Variants in GMIP observed in about 807,000 individuals in gnomAD.
GMIP encodes the protein GEM interacting protein.
Under a neutral mutation model 105.3 loss-of-function variants are expected in GMIP, and 54 were observed. The ratio of observed to expected loss-of-function variants is 0.51; its 90% CI spans 0.41 to 0.64. The LOEUF (loss-of-function observed/expected upper bound fraction) is 0.64, where lower values mean the gene tolerates loss of function less well. Ranked by LOEUF, GMIP falls within the 30% of genes least tolerant of loss-of-function variation. The probability of loss-of-function intolerance (pLI) is 0.00; values close to 1 mark genes in which losing one functional copy is unlikely to be tolerated. For synonymous variants in GMIP, 541 were observed against 560.8 expected (o/e 0.96, Z 0.50); for missense variants, 1,110 against 1,319.4 (o/e 0.84, Z 2.46).
rs2061848308 is a variant in GMIP, at chr19:19,635,810, G to A, written c.1328-89C>T. The A allele has an allele frequency of 3.8e-6, 4 of 1,063,204 alleles. No homozygotes were observed. The highest frequency in any genetic ancestry group is 1.5e-5 in the African/African-American group (1 of 64,556). 65.9% of individuals were successfully genotyped at this position (1,063,204 alleles called of 1,614,324 possible). A position where few individuals can be genotyped will look rare whatever the true frequency, so the allele number is the denominator to read the frequency against. On this transcript the variant is annotated intron_variant, in intron 13 of 20. Coordinates refer to ENST00000203556, the MANE Select transcript of GMIP (RefSeq NM_016573.4). The surrounding 1 kb of genome is among the most constrained non-coding windows in gnomAD (Gnocchi z 4.7). Reference sequence around the variant, plus strand: ...TCCAGAACCACCCACTAATTCCCAAGGGGTCAGAGGTCAGGAGGGGGATTG... The same window carrying A: ...TCCAGAACCACCCACTAATTCCCAAAGGGTCAGAGGTCAGGAGGGGGATTG...
Position 19,630,254 on chromosome 19 carries a change from C to A in GMIP, c.2622G>T (p.Arg874=). Residue 874 remains arginine, a synonymous_variant, in exon 21 of 21, where the codon CGG becomes CGT. Transcript: ENST00000203556. The surrounding 1 kb of genome is among the most constrained non-coding windows in gnomAD (Gnocchi z 4.8). ...GGTGGGTTACAGGCCTCACACCGCC[C>A]CGGGGATACTTCACTGGCTGGCGGC... ...HFSRQPVKYP[R]GGVRPVTHQL... 6.4e-7 allele frequency: 1 copy of A among 1,566,838 alleles called. No individual in the cohort carries two copies. Among genetic ancestry groups the A allele is most frequent in the South Asian group, 1.2e-5 (1 of 84,656 alleles).
In GMIP at chr19:19,633,866, G is replaced by A; in HGVS notation, c.2409C>T (p.Asp803=). ...TGTGGTGCTGGGGGTCTGGGCCGGGGTCTGAGGCTAGGACTGGGGGCTGGG... is the reference window on the plus strand; with the variant it reads ...TGTGGTGCTGGGGGTCTGGGCCGGGATCTGAGGCTAGGACTGGGGGCTGGG... ...PDSQPPVLAS[D]PGPDPQHHST... Residue 803 remains aspartate, a synonymous_variant, in exon 19 of 21, where the codon GAC becomes GAT. Coordinates refer to ENST00000203556, the MANE Select transcript of GMIP (RefSeq NM_016573.4). 6.7e-7 allele frequency: 1 copy of A among 1,501,334 alleles called. No homozygotes were observed. The highest frequency in any genetic ancestry group is 8.9e-7 in the Non-Finnish European group (1 of 1,125,762). 93.0% of individuals were successfully genotyped at this position (1,501,334 alleles called of 1,614,324 possible). A position where few individuals can be genotyped will look rare whatever the true frequency, so the allele number is the denominator to read the frequency against.
chr19:19,630,056 T>C lies in GMIP; in HGVS notation c.2820A>G (p.Thr940=). The part of the protein sequence containing the change: ...LPKHFEITQE[T]ARLLSKLDSE... ...TGTCCAATTTCGAGAGTAGCCGGGCTGTCTCCTGGGTAATCTCAAAATGCT... is the reference window on the plus strand; with the variant it reads ...TGTCCAATTTCGAGAGTAGCCGGGCCGTCTCCTGGGTAATCTCAAAATGCT... Residue 940 remains threonine (T), a synonymous_variant, in exon 21 of 21, where the codon ACA becomes ACG. Transcript: ENST00000203556. This position sits in a 1 kb window ranked among gnomAD's most constrained non-coding sequence, Gnocchi z 4.8. 1.9e-6 allele frequency: 3 copies of C among 1,609,942 alleles called. No homozygotes were observed. Among genetic ancestry groups the C allele is most frequent in the East Asian group, 2.2e-5 (1 of 44,758 alleles).
intron 3 of GMIP, 47 bp downstream of exon 3, chr19:19,641,929 C>T: frequency 1.2e-6 from 2 of 1,600,030 alleles, no homozygotes; most frequent in Non-Finnish European, 1.7e-6. Context: ...TTCCTAAGGC[C>T]CCCTCTGCTT....
rs769180484 is a variant in GMIP at position 19,634,716 on chromosome 19, C to T, written c.1888-13G>A. The T allele has an allele frequency of 1.4e-5, 22 of 1,607,660 alleles. No individual in the cohort carries two copies. The highest frequency in any genetic ancestry group is 6.7e-5 in the East Asian group (3 of 44,756). On this transcript the variant is annotated splice_polypyrimidine_tract_variant and intron_variant, in intron 17 of 20. Transcript: ENST00000203556. The surrounding 1 kb of genome is among the most constrained non-coding windows in gnomAD (Gnocchi z 6.1). Reference sequence around the variant, plus strand: ...CGGGCTCGGTGAGCTGGGGGTGGAACGGAGGGCGCAACACGAGTGTGGGTG... The same window carrying T: ...CGGGCTCGGTGAGCTGGGGGTGGAATGGAGGGCGCAACACGAGTGTGGGTG...
At position 19,640,113 on chromosome 19, in the gene GMIP, A is replaced by T; in HGVS notation, c.509T>A (p.Val170Glu). Residue 170 changes from valine (V) to glutamate (E), a missense_variant, in exon 7 of 21, where the codon GTG becomes GAG. By Grantham distance (121) the Val-to-Glu change is moderately radical. Transcript: ENST00000203556. ...GTAGTAGTCTCTTTTCTGCTGGGCC[A>T]CTGTCTCCATGGCCAGGGTTCCCAG... ...LSLGTLAMETVAQQKRDYYQP... is the reference protein window; with the variant it reads ...LSLGTLAMETEAQQKRDYYQP... The T allele has an allele frequency of 6.2e-7, 1 of 1,612,368 alleles. No homozygotes were observed. Among genetic ancestry groups the T allele is most frequent in the Non-Finnish European group, 8.5e-7 (1 of 1,178,470 alleles).
chr19:19,643,365 G>T, intron 1 of GMIP, 146 bp downstream of exon 1: 1 of 697,208 alleles, frequency 1.4e-6, no homozygotes, highest in Non-Finnish European at 2.4e-6. Flanking sequence ...CGGGCACAGG[G>T]CTCCCCACAA....
chr19:19,639,803 C>A (rs914694411), intron 7 of GMIP, among the ~76,000 whole-genome samples: 1 of 152,132 alleles, frequency 6.6e-6, no homozygotes, highest in African/African-American at 2.4e-5. Flanking sequence ...GAGCTGAGAT[C>A]GCACCATTGC....
chr19:19,638,863 C>G (rs2061887565), intron 7 of GMIP, among the ~76,000 whole-genome samples: 1 of 151,096 alleles, frequency 6.6e-6, no homozygotes, highest in African/African-American at 2.4e-5. Context: ...GGCAGATCAC[C>G]TGAGGCCAGG....
chr19:19,630,292 G>A lies in GMIP; in HGVS notation c.2584C>T (p.Arg862Cys), dbSNP rs138311100. 12 of 1,548,212 alleles carry A rather than the reference G, an allele frequency of 7.8e-6. No individual in the cohort carries two copies. Among genetic ancestry groups the A allele is most frequent in the African/African-American group, 4.1e-5 (3 of 73,246 alleles). ...PEDSLLGTQS[R>C]GHFSRQPVKY... ...ACTGGCTGGCGGCTGAAGTGGCCAC[G>A]AGACTGTGTCCCCAGGAGTGAGTCC... The change falls in exon 21 of 21, where the codon CGT becomes TGT. Residue 862 changes from arginine (R) to cysteine (C), a missense_variant. Coordinates refer to ENST00000203556, the MANE Select transcript of GMIP (RefSeq NM_016573.4). This position sits in a 1 kb window ranked among gnomAD's most constrained non-coding sequence, Gnocchi z 4.8.
chr19:19,643,611 C>A lies in GMIP; in HGVS notation c.-82G>T, dbSNP rs1599421709. The A allele has an allele frequency of 6.5e-6, 8 of 1,226,672 alleles. No homozygotes were observed. The East Asian group carries it at 1.7e-4, about 26-fold the overall frequency. 76.0% of individuals were successfully genotyped at this position (1,226,672 alleles called of 1,614,324 possible). On this transcript the variant is annotated 5_prime_UTR_variant, in exon 1 of 21. Coordinates refer to ENST00000203556, the MANE Select transcript of GMIP (RefSeq NM_016573.4). Reference sequence around the variant, plus strand: ...GCGGGGCCGAGCCCCGATTTCCTGCCGCCGCAGCCGCCGCCGCCGCCTCGG... The same window carrying A: ...GCGGGGCCGAGCCCCGATTTCCTGCAGCCGCAGCCGCCGCCGCCGCCTCGG...
intron 7 of GMIP, 115 bp from the exon 8 acceptor site, chr19:19,638,597 T>G (rs1182295259): frequency 1.2e-6 from 1 of 829,082 alleles, no homozygotes; most frequent in African/African-American, 1.7e-5. Context: ...CTCTATTTTT[T>G]TTTTTTTCGA....
At position 19,634,021 on chromosome 19, in the gene GMIP, G is replaced by T; in HGVS notation, c.2254C>A (p.His752Asn). 6.2e-7 allele frequency: 1 copy of T among 1,613,086 alleles called. No homozygotes were observed. Among genetic ancestry groups the T allele is most frequent in the South Asian group, 1.1e-5 (1 of 91,074 alleles). The change falls in exon 19 of 21, where the codon CAC becomes AAC. Residue 752 changes from histidine (H) to asparagine (N), a missense_variant. Physicochemically the swap from His to Asn is moderately conservative, Grantham distance 68. Transcript: ENST00000203556. The surrounding 1 kb of genome is among the most constrained non-coding windows in gnomAD (Gnocchi z 6.1). The part of the protein sequence containing the change: ...QAQLVEFLIV[H>N]YEQIFGMDEL... ...TCCATCCCAAAGATCTGCTCGTAGT[G>T]CACGATGAGGAACTCCACAAGCTGG... is the stretch of plus-strand genomic sequence containing the variant.
rs117798850 is a variant in GMIP at position 19,638,204 on chromosome 19, C to T, written c.744G>A (p.Lys248=). ...SAPQASPGPS[K]QQERRRRSRE... is the part of the protein sequence containing the mutation. ...GCGAGCGCCGCCGCCGCTCCTGCTG[C>T]TTGCTAGGTCCCGGCGAGGCCTGGG... The change falls in exon 9 of 21, where the codon AAG becomes AAA. Residue 248 remains lysine (K), a synonymous_variant. Coordinates refer to ENST00000203556, the MANE Select transcript of GMIP (RefSeq NM_016573.4). The T allele has an allele frequency of 3.1e-3, 5,004 of 1,597,550 alleles. 218 individuals carry two copies. In the East Asian group the frequency reaches 0.079, roughly 25 times the overall value.
intron 13 of GMIP, 69 bp downstream of exon 13, chr19:19,636,638 C>G: frequency 8.8e-7 from 1 of 1,130,042 alleles, no homozygotes; most frequent in Non-Finnish European, 1.4e-6. Context: ...GATTGAGGGT[C>G]AGAGCTTGGC....
chr19:19,640,154 C>T lies in GMIP; in HGVS notation c.468G>A (p.Leu156=). 1.9e-6 allele frequency: 3 copies of T among 1,613,548 alleles called. No individual in the cohort carries two copies. Among genetic ancestry groups the T allele is most frequent in the Non-Finnish European group, 2.5e-6 (3 of 1,179,844 alleles). Residue 156 remains leucine, a synonymous_variant, in exon 7 of 21, where the codon CTG becomes CTA. Coordinates refer to ENST00000203556, the MANE Select transcript of GMIP (RefSeq NM_016573.4). ...MPLQYIYTLF[L]EHDLSLGTLA... is the part of the protein sequence containing the mutation. ...GGGTTCCCAGGCTGAGATCGTGCTC[C>T]AGAAACAGGGTGTAGATGTACTGCA...
intron 19 of GMIP, among the ~76,000 whole-genome samples, chr19:19,632,251 G>A (rs868359511): frequency 6.6e-6 from 1 of 151,872 alleles, no homozygotes; most frequent in Non-Finnish European, 1.5e-5. Flanking sequence ...CAGAGATCAC[G>A]CCATCGCACT....
chr19:19,643,389 G>A, intron 1 of GMIP, 122 bp downstream of exon 1: 1 of 896,310 alleles, frequency 1.1e-6, no homozygotes, highest in Admixed American at 2.3e-5. Flanking sequence ...AGGATCCCTG[G>A]GTCCTTCCCA....
Position 19,635,773 on chromosome 19 carries a change from G to C in GMIP, c.1328-52C>G. 5 of 1,469,478 alleles carry C rather than the reference G, an allele frequency of 3.4e-6. No individual in the cohort carries two copies. Among genetic ancestry groups the C allele is most frequent in the Non-Finnish European group, 4.8e-6 (5 of 1,049,718 alleles). The allele number at this position is 1,469,478 out of a possible 1,614,324, so 91.0% of individuals were successfully genotyped here. A position where few individuals can be genotyped will look rare whatever the true frequency, so the allele number is the denominator to read the frequency against. On this transcript the variant is annotated intron_variant, in intron 13 of 20. Transcript: ENST00000203556. The surrounding 1 kb of genome is among the most constrained non-coding windows in gnomAD (Gnocchi z 4.7). ...TCCTGGGCTATGGGAGGCACTCCTG[G>C]TTTTTAGGGCTTCCAGAACCACCCA...
Sources: gnomAD v4.1 joint callset for allele counts (sites outside exome capture counted in the v4.1 genomes callset) on GRCh38, gnomAD v4.1.1 for gene constraint, Gnocchi (gnomAD v3.1) non-coding constraint, MANE v1.5 for transcripts, NCBI Gene and HGNC (gene_info 2026-07-23, HGNC 2026-07-21) for gene names.